The following MRPS31 variants were observed in gnomAD, a reference collection of about 807,000 sequenced individuals.
MRPS31 encodes the protein mitochondrial ribosomal protein S31.
MRPS31 carries 32 observed loss-of-function variants against 43.1 expected under a neutral mutation model. That is an observed-to-expected ratio of 0.74 (90% CI 0.56 to 1.00). The LOEUF is 1.00. Ranked by LOEUF, MRPS31 falls within the 50% of genes least tolerant of loss-of-function variation. The pLI, the probability that MRPS31 is intolerant of heterozygous loss-of-function variation, is 0.00. For synonymous variants in MRPS31, 165 were observed against 161.6 expected (o/e 1.02, Z -0.16); for missense variants, 437 against 466.7 (o/e 0.94, Z 0.59).
intron 6 of MRPS31, among the ~76,000 whole-genome samples, chr13:40,733,812 A>T (rs1273671980): frequency 6.6e-6 from 1 of 152,044 alleles, no homozygotes; most frequent in African/African-American, 2.4e-5. Flanking sequence ...CCCTAATAAA[A>T]ATATAAAAAA....
chr13:40,765,503 A>C (rs1880818692), intron 2 of MRPS31, among the ~76,000 whole-genome samples: 1 of 152,216 alleles, frequency 6.6e-6, no homozygotes, highest in Non-Finnish European at 1.5e-5. Flanking sequence ...CATTCTTGAA[A>C]AGTATTTATA....
intron 1 of MRPS31, among the ~76,000 whole-genome samples, chr13:40,769,373 CAT>C (rs201190639): frequency 0.021 from 1,395 of 65,104 alleles, 20 homozygotes; most frequent in Non-Finnish European, 0.029. Context: ...AGACTCTGTC[CAT>C]ATATATATAT....
At chr13:40,737,578 ACTAT>A (rs1485729565) in intron 6 of MRPS31, among the ~76,000 whole-genome samples, 2 of 152,196 alleles carry the variant, frequency 1.3e-5, no homozygotes, top group Admixed American at 6.5e-5. Flanking sequence ...ATTATAACAA[ACTAT>A]CTATCTGTCA....
In MRPS31 at chr13:40,749,272, G is replaced by A. The variant is rs757895673; in HGVS notation, c.824C>T (p.Pro275Leu). 146 of 1,579,098 alleles carry A rather than the reference G, an allele frequency of 9.2e-5. No individual in the cohort carries two copies. Among genetic ancestry groups the A allele is most frequent in the Non-Finnish European group, 1.2e-4 (136 of 1,170,438 alleles). Reference protein sequence around the residue: ...TKEAPETDTSPSLWDVEFAKQ... With the variant: ...TKEAPETDTSLSLWDVEFAKQ... ...AGCAAATTCCACATCCCAAAGTGAA[G>A]GTGATGTGTCTACATAATAAAGACA... The change falls in exon 6 of 7, where the codon CCT (proline) becomes CTT (leucine). Residue 275 changes from proline (P) to leucine (L), a missense_variant. Coordinates refer to ENST00000323563, the MANE Select transcript of MRPS31 (RefSeq NM_005830.4).
intron 1 of MRPS31, among the ~76,000 whole-genome samples, chr13:40,769,639 A>G (rs1880952723): frequency 6.6e-6 from 1 of 151,942 alleles, no homozygotes; most frequent in Non-Finnish European, 1.5e-5. Context: ...TATTCAATAT[A>G]TGGTACAATC....
intron 6 of MRPS31, among the ~76,000 whole-genome samples, chr13:40,732,485 G>C (rs145232747): frequency 1.3e-5 from 2 of 152,176 alleles, no homozygotes; most frequent in South Asian, 4.1e-4. Context: ...TATAATCTCA[G>C]CACTTTGGGA....
intron 6 of MRPS31, among the ~76,000 whole-genome samples, chr13:40,746,115 G>A (rs753794028): frequency 2.6e-5 from 4 of 152,200 alleles, no homozygotes; most frequent in South Asian, 4.1e-4. Context: ...TTGTAAACAC[G>A]ATATGTCACT....
intron 4 of MRPS31, among the ~76,000 whole-genome samples, chr13:40,756,568 C>A (rs941698567): frequency 6.6e-6 from 1 of 152,102 alleles, no homozygotes; most frequent in Non-Finnish European, 1.5e-5. Flanking sequence ...TCACAAAATA[C>A]TTATTTGCTC....
chr13:40,766,767 G>A lies in MRPS31; in HGVS notation c.419C>T (p.Thr140Ile), dbSNP rs763947727. The A allele has an allele frequency of 1.9e-6, 3 of 1,610,886 alleles. No individual in the cohort carries two copies. In the Admixed American group the frequency reaches 5.1e-5, roughly 27 times the overall value. Reference protein sequence around the residue: ...EATLGRLRRATEYAPKKRIEP... With the variant: ...EATLGRLRRAIEYAPKKRIEP... ...TTACCTCTTCTTTGGAGCATATTCTGTAGCTCTTCGAAGCCTGCCAAGTGT... is the reference window on the plus strand; with the variant it reads ...TTACCTCTTCTTTGGAGCATATTCTATAGCTCTTCGAAGCCTGCCAAGTGT... Residue 140 changes from threonine to isoleucine, a missense_variant, in exon 2 of 7, where the codon ACA becomes ATA. Coordinates refer to ENST00000323563, the MANE Select transcript of MRPS31 (RefSeq NM_005830.4).
intron 1 of MRPS31, among the ~76,000 whole-genome samples, chr13:40,770,388 C>G (rs1261995002): frequency 6.6e-5 from 10 of 152,218 alleles, no homozygotes; most frequent in Admixed American, 6.5e-4. Context: ...CTAACTTCAA[C>G]CAGTGGTCCT....
At chr13:40,752,775 T>C (rs1340074520) in intron 5 of MRPS31, among the ~76,000 whole-genome samples, 2 of 152,142 alleles carry the variant, frequency 1.3e-5, no homozygotes, top group African/African-American at 4.8e-5. Flanking sequence ...AGTCTCACTT[T>C]GATTCTTAGG....
At chr13:40,760,801 C>T (rs986685047) in intron 2 of MRPS31, among the ~76,000 whole-genome samples, 2 of 151,982 alleles carry the variant, frequency 1.3e-5, no homozygotes, top group Non-Finnish European at 2.9e-5. Flanking sequence ...TGAGAACTGA[C>T]ATCTCAATGA....
intron 2 of MRPS31, among the ~76,000 whole-genome samples, chr13:40,761,518 T>C (rs1266068019): frequency 6.6e-6 from 1 of 152,234 alleles, no homozygotes; most frequent in African/African-American, 2.4e-5. Context: ...TCTGGCTTTA[T>C]AATTTGAAAT....
At chr13:40,733,618 A>C (rs1879776048) in intron 6 of MRPS31, among the ~76,000 whole-genome samples, 1 of 152,214 alleles carries the variant, frequency 6.6e-6, no homozygotes, top group South Asian at 2.1e-4. Context: ...AAGAGATCAC[A>C]TACAATGAAT....
At chr13:40,765,570 C>CAGG (rs144436592) in intron 2 of MRPS31, among the ~76,000 whole-genome samples, 4 of 151,764 alleles carry the variant, frequency 2.6e-5, no homozygotes, top group Non-Finnish European at 4.4e-5. Context: ...TTTCTAAAAG[C>CAGG]AGGAGGAGGA....
intron 6 of MRPS31, among the ~76,000 whole-genome samples, chr13:40,742,270 T>C (rs1429344378): frequency 2.6e-5 from 4 of 152,190 alleles, no homozygotes; most frequent in African/African-American, 9.7e-5. Flanking sequence ...GGTGACAGGT[T>C]AATTGTGTCT....
intron 3 of MRPS31, among the ~76,000 whole-genome samples, chr13:40,758,385 C>G (rs1880595130): frequency 6.6e-6 from 1 of 152,114 alleles, no homozygotes; most frequent in Non-Finnish European, 1.5e-5. Context: ...TGAAATAAAT[C>G]TGGTATACAC....
At chr13:40,758,492 TA>T (rs1336039925) in intron 3 of MRPS31, among the ~76,000 whole-genome samples, 2 of 152,200 alleles carry the variant, frequency 1.3e-5, no homozygotes, top group Non-Finnish European at 2.9e-5. Flanking sequence ...CAGCAAGTAG[TA>T]TAACATGGTA....
chr13:40,757,569 C>A (rs1333572740), intron 3 of MRPS31, among the ~76,000 whole-genome samples: 1 of 150,516 alleles, frequency 6.6e-6, no homozygotes, highest in East Asian at 2.0e-4. Context: ...CTCAGCCTTC[C>A]GAGTAGCTGA....
Sources: gnomAD v4.1 joint callset for allele counts (sites outside exome capture counted in the v4.1 genomes callset) on GRCh38, gnomAD v4.1.1 for gene constraint, MANE v1.5 for transcripts, NCBI Gene and HGNC (gene_info 2026-07-23, HGNC 2026-07-21) for gene names.